The following CUL7 variants were observed in gnomAD, a reference collection of about 807,000 sequenced individuals.
CUL7 encodes cullin-7.
In CUL7, 96 loss-of-function variants were observed where a neutral mutation model predicts 177.7. That is an observed-to-expected ratio of 0.54 (90% confidence interval 0.46 to 0.64). The LOEUF (loss-of-function observed/expected upper bound fraction) is 0.64. CUL7 is among the 30% of genes least tolerant of loss of function. The probability of loss-of-function intolerance (pLI) is 0.00; values close to 1 mark genes in which losing one functional copy is unlikely to be tolerated. For synonymous variants in CUL7, 824 were observed against 890.2 expected (o/e 0.93, Z 1.32); for missense variants, 1,893 against 2,187.9 (o/e 0.87, Z 2.69).
chr6:43,048,291 C>T, intron 8 of CUL7, 38 bp from the exon 9 acceptor site: 1 of 1,593,774 alleles, frequency 6.3e-7, no homozygotes, highest in Non-Finnish European at 8.6e-7. Context: ...CTCATGGACC[C>T]CCTTTGCCCT....
Position 43,049,552 on chromosome 6 carries a change from G to C in CUL7, c.1680C>G (p.Ile560Met). 6.2e-7 allele frequency: 1 copy of C among 1,614,218 alleles called. No homozygotes were observed. Among genetic ancestry groups the C allele is most frequent in the Non-Finnish European group, 8.5e-7 (1 of 1,180,040 alleles). ...CATACTTCTTGTAGACATGGCAGTT[G>C]ATCAGGTCCCTGAGGGCACTGTCAT... ...RLNDSALRDL[I>M]NCHVYKKYGP... The change falls in exon 7 of 26, where the codon ATC (isoleucine) becomes ATG (methionine). Residue 560 changes from isoleucine to methionine, a missense_variant. Around this residue, in one of 5 missense-constraint regions of CUL7, gnomAD observed 653 missense variants for 725.2 expected, o/e 0.90. Transcript: ENST00000265348.
chr6:43,044,737 T>C lies in CUL7; in HGVS notation c.3172+15A>G, dbSNP rs1277293786. On this transcript the variant is annotated intron_variant, in intron 16 of 25. Coordinates refer to ENST00000265348, the MANE Select transcript of CUL7 (RefSeq NM_014780.5). Reference sequence around the variant, plus strand: ...GCCCTGAGATAGTAATGGGTCCAGATGTCAGGATGGTTACCAGGGGAGGTG... The same window carrying C: ...GCCCTGAGATAGTAATGGGTCCAGACGTCAGGATGGTTACCAGGGGAGGTG... 2 of 1,607,146 alleles carry C rather than the reference T, an allele frequency of 1.2e-6. No homozygotes were observed. Among genetic ancestry groups the C allele is most frequent in the South Asian group, 1.1e-5 (1 of 90,810 alleles).
Position 43,045,660 on chromosome 6 carries a change from C to T in CUL7, c.2789G>A (p.Ser930Asn), listed in dbSNP as rs61750321. The change falls in exon 14 of 26, where the codon AGC becomes AAC. Residue 930 changes from serine to asparagine, a missense_variant. Physicochemically the swap from Ser to Asn is conservative, Grantham distance 46. Around this residue, in one of 5 missense-constraint regions of CUL7, gnomAD observed 973 missense variants for 1,140.9 expected, o/e 0.85. Transcript: ENST00000265348. This position sits in a 1 kb window ranked among gnomAD's most constrained non-coding sequence, Gnocchi z 4.8. ...CAGGTTCTCCAGGAGGATCACCCGG[C>T]TGGCAGAGGGCATCACATTCACCTG... ...LNSVNVMPSASRVILLENLTR... is the reference protein window; with the variant it reads ...LNSVNVMPSANRVILLENLTR... 692 of 1,614,098 alleles carry T rather than the reference C, an allele frequency of 4.3e-4. No homozygotes were observed. Among genetic ancestry groups the T allele is most frequent in the Non-Finnish European group, 5.6e-4 (660 of 1,180,040 alleles).
chr6:43,043,286 C>A lies in CUL7; in HGVS notation c.3356-106G>T. On this transcript the variant is annotated intron_variant, in intron 17 of 25. Transcript: ENST00000265348. This position sits in a 1 kb window ranked among gnomAD's most constrained non-coding sequence, Gnocchi z 4.2. ...AGGCCTTTCCTGACATGCTGCCACC[C>A]AAAATGATGTTCATGGATGGAGGTG... 1 of 1,197,762 alleles carries A rather than the reference C, an allele frequency of 8.3e-7. No individual in the cohort carries two copies. The highest frequency in any genetic ancestry group is 1.9e-5 in the Admixed American group (1 of 52,554). The allele number at this position is 1,197,762 out of a possible 1,614,324, so 74.2% of individuals were successfully genotyped here.
chr6:43,044,316 C>T (rs1037763925), intron 16 of CUL7, among the ~76,000 whole-genome samples: 1 of 150,830 alleles, frequency 6.6e-6, no homozygotes, highest in Non-Finnish European at 1.5e-5. Context: ...GAGCGAAACT[C>T]TGTCTCAAAA....
rs765983583 is a variant in CUL7 at position 43,052,687 on chromosome 6, C to G, written c.102G>C (p.Gly34=). ...ELIRQRVGHD[G]HPEYQIRWLI... ...GCCAACGGATCTGGTACTCAGGATGCCCATCATGGCCCACGCGCTGGCGGA... is the reference window on the plus strand; with the variant it reads ...GCCAACGGATCTGGTACTCAGGATGGCCATCATGGCCCACGCGCTGGCGGA... The change falls in exon 2 of 26, where the codon GGG becomes GGC. Residue 34 remains glycine, a synonymous_variant. Transcript: ENST00000265348. This position sits in a 1 kb window ranked among gnomAD's most constrained non-coding sequence, Gnocchi z 4.5. 6.2e-7 allele frequency: 1 copy of G among 1,614,014 alleles called. No individual in the cohort carries two copies. Among genetic ancestry groups the G allele is most frequent in the Non-Finnish European group, 8.5e-7 (1 of 1,180,032 alleles).
chr6:43,042,403 C>T (rs891050435), intron 19 of CUL7, among the ~76,000 whole-genome samples: 2 of 151,974 alleles, frequency 1.3e-5, no homozygotes, highest in East Asian at 1.9e-4. Context: ...GGTGCAATCT[C>T]GGCTGACTGC....
chr6:43,041,743 T>C (rs1204630121), intron 19 of CUL7, among the ~76,000 whole-genome samples: 1 of 151,018 alleles, frequency 6.6e-6, no homozygotes, highest in Non-Finnish European at 1.5e-5. Flanking sequence ...AGGTGGCTCA[T>C]GCCTGTAATC....
At position 43,043,504 on chromosome 6, in the gene CUL7, A is replaced by C; in HGVS notation, c.3299T>G (p.Leu1100Arg). The C allele has an allele frequency of 6.2e-7, 1 of 1,614,134 alleles. No homozygotes were observed. The part of the protein sequence containing the change: ...FSRVRRLTHL[L>R]VHVEPCEAPP... ...TGCCTCACAGGGCTCGACATGCACC[A>C]GCAGGTGAGTGAGACGGCGCACCCG... Residue 1100 changes from leucine (L) to arginine (R), a missense_variant, in exon 17 of 26, where the codon CTG becomes CGG. Around this residue, in one of 5 missense-constraint regions of CUL7, gnomAD observed 973 missense variants for 1,140.9 expected, o/e 0.85. Transcript: ENST00000265348. The surrounding 1 kb of genome is among the most constrained non-coding windows in gnomAD (Gnocchi z 4.2).
chr6:43,050,286 G>A lies in CUL7; in HGVS notation c.1346C>T (p.Ala449Val). Reference protein sequence around the residue: ...DMVEADEYQGAVASRVLGRAL... With the variant: ...DMVEADEYQGVVASRVLGRAL... ...TCTACCCAGGACTCTACTGGCCACT[G>A]CCCCTTGGTACTCATCAGCCTCAAC... The change falls in exon 5 of 26, where the codon GCA becomes GTA. Residue 449 changes from alanine (A) to valine (V), a missense_variant. By Grantham distance (64) the Ala-to-Val change is moderately conservative. This residue lies in a region of CUL7 where 653 missense variants were observed against 725.2 expected (regional missense o/e 0.90). Transcript: ENST00000265348. This position sits in a 1 kb window ranked among gnomAD's most constrained non-coding sequence, Gnocchi z 4.1. The A allele has an allele frequency of 6.2e-7, 1 of 1,614,118 alleles. No homozygotes were observed. The highest frequency in any genetic ancestry group is 8.5e-7 in the Non-Finnish European group (1 of 1,180,014).
Position 43,045,420 on chromosome 6 carries a change from C to G in CUL7, c.2863-18G>C. ...ATGCCACCCTGAAACACACACAGGACTATCTTCACTCGCTCCACACCTTGG... is the reference window on the plus strand; with the variant it reads ...ATGCCACCCTGAAACACACACAGGAGTATCTTCACTCGCTCCACACCTTGG... On this transcript the variant is annotated intron_variant, in intron 14 of 25. Transcript: ENST00000265348. This position sits in a 1 kb window ranked among gnomAD's most constrained non-coding sequence, Gnocchi z 4.8. The G allele has an allele frequency of 1.2e-6, 2 of 1,614,178 alleles. No homozygotes were observed. The highest frequency in any genetic ancestry group is 1.7e-6 in the Non-Finnish European group (2 of 1,180,030).
Position 43,046,960 on chromosome 6 carries a change from G to A in CUL7, c.2317C>T (p.Arg773Trp), listed in dbSNP as rs1358890131. 1.9e-5 allele frequency: 30 copies of A among 1,613,168 alleles called. No homozygotes were observed. The East Asian group carries it at 3.6e-4, about 19-fold the overall frequency. Residue 773 changes from arginine to tryptophan, a missense_variant, in exon 10 of 26, where the codon CGG (arginine) becomes TGG (tryptophan). Transcript: ENST00000265348. ...TTCTCACACTTGAACACCATGTCCC[G>A]CAGCTCCTGAGCCAGCTCCAGCTTT... ...LGKLELAQEL[R>W]DMVFKCEKHA...
chr6:43,050,815 C>A lies in CUL7; in HGVS notation c.1233+153G>T, dbSNP rs1188651121. Among the ~76,000 whole-genome samples, 1 of 151,960 alleles carries A rather than the reference C, an allele frequency of 6.6e-6. No homozygotes were observed. Among genetic ancestry groups the A allele is most frequent in the Non-Finnish European group, 1.5e-5 (1 of 67,994 alleles). ...CAGATTTTCCCAGCTCTCAGAATGGCCCCCCTCTCAACTACTGACTCTTTT... is the reference window on the plus strand; with the variant it reads ...CAGATTTTCCCAGCTCTCAGAATGGACCCCCTCTCAACTACTGACTCTTTT... On this transcript the variant is annotated intron_variant, in intron 4 of 25. Coordinates refer to ENST00000265348, the MANE Select transcript of CUL7 (RefSeq NM_014780.5). This position sits in a 1 kb window ranked among gnomAD's most constrained non-coding sequence, Gnocchi z 4.1.
Position 43,040,491 on chromosome 6 carries a change from C to G in CUL7, c.4023+39G>C. ...CAGTCTGCTCCACGCCCCTCTTCCC[C>G]CTACCCTCTTATTTGCTTATCCCTT... On this transcript the variant is annotated intron_variant, in intron 21 of 25. Transcript: ENST00000265348. This position sits in a 1 kb window ranked among gnomAD's most constrained non-coding sequence, Gnocchi z 4.2. The G allele has an allele frequency of 1.2e-6, 2 of 1,613,098 alleles. No individual in the cohort carries two copies. The highest frequency in any genetic ancestry group is 1.7e-6 in the Non-Finnish European group (2 of 1,180,012).
chr6:43,038,796 G>A (rs1490258820), intron 23 of CUL7, 46 bp downstream of exon 23: 1 of 1,614,110 alleles, frequency 6.2e-7, no homozygotes, highest in Non-Finnish European at 8.5e-7. Context: ...AGAGAGGCAA[G>A]GGACAAAGTG....
chr6:43,050,297 C>G lies in CUL7; in HGVS notation c.1335G>C (p.Glu445Asp). The G allele has an allele frequency of 6.2e-7, 1 of 1,614,196 alleles. No homozygotes were observed. The highest frequency in any genetic ancestry group is 8.5e-7 in the Non-Finnish European group (1 of 1,180,042). ...EDIEDMVEAD[E>D]YQGAVASRVL... is the part of the protein sequence containing the mutation. ...CTCTACTGGCCACTGCCCCTTGGTA[C>G]TCATCAGCCTCAACCATGTCCTCAA... is the stretch of plus-strand genomic sequence containing the variant. Residue 445 changes from glutamate to aspartate, a missense_variant, in exon 5 of 26, where the codon GAG becomes GAC. By Grantham distance (45) the Glu-to-Asp change is conservative. Coordinates refer to ENST00000265348, the MANE Select transcript of CUL7 (RefSeq NM_014780.5). The surrounding 1 kb of genome is among the most constrained non-coding windows in gnomAD (Gnocchi z 4.1).
At position 43,053,568 on chromosome 6, in the gene CUL7, T is replaced by C. The variant is rs954706528; in HGVS notation, c.-9+54A>G. 10 of 1,197,568 alleles carry C rather than the reference T, an allele frequency of 8.4e-6. No homozygotes were observed. The African/African-American group carries it at 1.3e-4, about 15-fold the overall frequency. 74.2% of individuals were successfully genotyped at this position (1,197,568 alleles called of 1,614,324 possible). On this transcript the variant is annotated intron_variant, in intron 1 of 25. Coordinates refer to ENST00000265348, the MANE Select transcript of CUL7 (RefSeq NM_014780.5). This position sits in a 1 kb window ranked among gnomAD's most constrained non-coding sequence, Gnocchi z 4.1. ...GAGGTTGGGTGAGCGCGAGGCTCGA[T>C]GGGCTAGTGGGCAGGGAAGGAGAAG...
chr6:43,046,733 TGGGGCAGAGGGGAA>T, intron 10 of CUL7, 132 bp from the exon 11 acceptor site: 1 of 1,417,370 alleles, frequency 7.1e-7, no homozygotes, highest in East Asian at 2.4e-5. Context: ...CAGGCCCAGA[TGGGGCAGAGGGGAA>T]GGGGAACAAA....
rs1764649898 is a variant in CUL7, at chr6:43,053,627, A to T, written c.-14T>A. The T allele has an allele frequency of 7.3e-7, 1 of 1,374,316 alleles. No homozygotes were observed. Among genetic ancestry groups the T allele is most frequent in the African/African-American group, 1.5e-5 (1 of 65,292 alleles). 85.1% of individuals were successfully genotyped at this position (1,374,316 alleles called of 1,614,324 possible). On this transcript the variant is annotated 5_prime_UTR_variant, in exon 1 of 26. Transcript: ENST00000265348. This position sits in a 1 kb window ranked among gnomAD's most constrained non-coding sequence, Gnocchi z 4.1. ...CGCGGTGGGGCTCTGGCCACCTCAG[A>T]AGTCCACCGGGGTCCTGGCGCGAGG... is the stretch of plus-strand genomic sequence containing the variant.
Sources: gnomAD v4.1 joint callset for allele counts (sites outside exome capture counted in the v4.1 genomes callset) on GRCh38, gnomAD v4.1.1 for gene constraint, gnomAD v4.1.1 regional missense constraint, Gnocchi (gnomAD v3.1) non-coding constraint, MANE v1.5 for transcripts, NCBI Gene and HGNC (gene_info 2026-07-23, HGNC 2026-07-21) for gene names.